CECR2: variants seen among roughly 807,000 people sequenced by gnomAD.
CECR2 encodes the protein chromatin remodeling regulator CECR2.
CECR2 carries 30 observed loss-of-function variants against 154.5 expected under a neutral mutation model. The ratio of observed to expected loss-of-function variants is 0.19; its 90% confidence interval spans 0.15 to 0.26. CECR2 has a LOEUF of 0.26. Ranked by LOEUF, CECR2 falls within the 10% of genes least tolerant of loss-of-function variation. The pLI is 1.00. For missense variants in CECR2, 1,743 were observed against 1,829.3 expected (o/e 0.95, Z 0.86); for synonymous variants, 725 against 683.7 (o/e 1.06, Z -0.94).
chr22:17,469,593 GT>G (rs1156329348), intron 1 of CECR2, among the ~76,000 whole-genome samples: 24,669 of 125,352 alleles, frequency 0.2, 2,128 homozygotes, highest in Middle Eastern at 0.25. Flanking sequence ...TGATAACATT[GT>G]TTTTTTTTTT....
chr22:17,545,374 C>CAAAAAAAAAAAAAAAAAAAAAA (rs695493), intron 16 of CECR2, among the ~76,000 whole-genome samples: 1 of 46,444 alleles, frequency 2.2e-5, no homozygotes, highest in African/African-American at 9.0e-5. Context: ...GACTCCGTCT[C>CAAAAAAAAAAAAAAAAAAAAAA]AAAAAAAAAA....
intron 1 of CECR2, among the ~76,000 whole-genome samples, chr22:17,375,876 A>G (rs1212351846): frequency 6.6e-6 from 1 of 151,628 alleles, no homozygotes; most frequent in Non-Finnish European, 1.5e-5. Context: ...AATTCATTGG[A>G]GCCGGGAGAC....
chr22:17,491,082 A>G (rs1232356285), intron 2 of CECR2, among the ~76,000 whole-genome samples: 1 of 152,172 alleles, frequency 6.6e-6, no homozygotes, highest in Admixed American at 6.5e-5. Flanking sequence ...GTAAAATAAT[A>G]CTTCATTGTG....
chr22:17,376,929 C>T (rs1467217030), intron 1 of CECR2, among the ~76,000 whole-genome samples: 1 of 152,172 alleles, frequency 6.6e-6, no homozygotes, highest in Non-Finnish European at 1.5e-5. Context: ...AGCCACCGCT[C>T]CCAGCCCCTA....
At chr22:17,543,386 G>A (rs111873318) in intron 16 of CECR2, among the ~76,000 whole-genome samples, 2 of 151,552 alleles carry the variant, frequency 1.3e-5, no homozygotes, top group Non-Finnish European at 2.9e-5. Flanking sequence ...TGCCCCCGTC[G>A]GCCTCCCAAA....
chr22:17,540,898 G>A (rs957638929), intron 14 of CECR2, 98 bp downstream of exon 14: 23 of 1,238,642 alleles, frequency 1.9e-5, no homozygotes, highest in South Asian at 7.8e-5. Flanking sequence ...AAATACTTAC[G>A]TGTATGTATG....
In CECR2 at chr22:17,549,385, T is replaced by C; in HGVS notation, c.4098T>C (p.Pro1366=). Residue 1366 remains proline (P), a synonymous_variant, in exon 17 of 19, where the codon CCT becomes CCC. Coordinates refer to ENST00000262608, the MANE Select transcript of CECR2 (RefSeq NM_001290047.2). The part of the protein sequence containing the change: ...SHFQPRAYSS[P]VAALPPHHPG... ...TTCAGCCCAGGGCTTACTCTTCCCC[T>C]GTGGCTGCCCTCCCACCTCACCACC... is the stretch of plus-strand genomic sequence containing the variant. 1.2e-6 allele frequency: 2 copies of C among 1,613,908 alleles called. No homozygotes were observed. Among genetic ancestry groups the C allele is most frequent in the Non-Finnish European group, 8.5e-7 (1 of 1,179,846 alleles).
In CECR2 at chr22:17,552,931, C is replaced by T. The variant is rs1366863191; in HGVS notation, c.*91C>T. The T allele has an allele frequency of 6.6e-7, 1 of 1,524,522 alleles. No homozygotes were observed. The highest frequency in any genetic ancestry group is 8.8e-7 in the Non-Finnish European group (1 of 1,138,714). The allele number at this position is 1,524,522 out of a possible 1,614,324, so 94.4% of individuals were successfully genotyped here. A position where few individuals can be genotyped will look rare whatever the true frequency, so the allele number is the denominator to read the frequency against. On this transcript the variant is annotated 3_prime_UTR_variant, in exon 19 of 19. Coordinates refer to ENST00000262608, the MANE Select transcript of CECR2 (RefSeq NM_001290047.2). ...GGGAGTGCCCTGTCAGCTCTATTCCCATCACCTGCTCCACCCCTTCACGGC... is the reference window on the plus strand; with the variant it reads ...GGGAGTGCCCTGTCAGCTCTATTCCTATCACCTGCTCCACCCCTTCACGGC...
intron 1 of CECR2, among the ~76,000 whole-genome samples, chr22:17,464,885 G>T (rs1009777556): frequency 1.3e-5 from 2 of 151,992 alleles, no homozygotes; most frequent in Non-Finnish European, 2.9e-5. Context: ...ATGTACTTCT[G>T]ATAGTATTTT....
At chr22:17,453,917 A>G (rs962502390) in intron 1 of CECR2, among the ~76,000 whole-genome samples, 3 of 152,234 alleles carry the variant, frequency 2.0e-5, no homozygotes, top group Admixed American at 6.5e-5. Context: ...CCGGGAAACA[A>G]GCATTTCAAA....
intron 1 of CECR2, among the ~76,000 whole-genome samples, chr22:17,374,994 C>G (rs1465695678): frequency 6.6e-6 from 1 of 152,130 alleles, no homozygotes; most frequent in Admixed American, 6.6e-5. Flanking sequence ...TGGCCAGATT[C>G]CACAGTGCAC....
At chr22:17,493,806 C>T (rs1374126394) in intron 2 of CECR2, among the ~76,000 whole-genome samples, 1 of 152,248 alleles carries the variant, frequency 6.6e-6, no homozygotes, top group African/African-American at 2.4e-5. Context: ...TATGCCTGTA[C>T]TTTCTCAACC....
rs192977409 is a variant in CECR2, at chr22:17,502,443, A to C, written c.651-639A>C. ...TCTCTCTCTTGACTGGAGCAGTGAT[A>C]AAAAACAAGAACAAACAAACAAAAA... On this transcript the variant is annotated intron_variant, in intron 5 of 18. Transcript: ENST00000262608. 5.3e-5 allele frequency among the ~76,000 whole-genome samples: 8 copies of C among 152,142 alleles called. No homozygotes were observed. The East Asian group carries it at 1.6e-3, about 30-fold the overall frequency.
chr22:17,479,290 T>G (rs565621265), intron 2 of CECR2, among the ~76,000 whole-genome samples: 1 of 152,114 alleles, frequency 6.6e-6, no homozygotes. Context: ...TGCGTGAGAG[T>G]GTCTGCTTGG....
chr22:17,470,366 A>T (rs976168367), intron 1 of CECR2, among the ~76,000 whole-genome samples: 5 of 142,986 alleles, frequency 3.5e-5, no homozygotes, highest in African/African-American at 1.3e-4. Flanking sequence ...TGAACTTAAG[A>T]GGTGGAGGTT....
intron 8 of CECR2, among the ~76,000 whole-genome samples, chr22:17,519,877 G>C (rs959904765): frequency 3.4e-5 from 5 of 149,110 alleles, no homozygotes; most frequent in African/African-American, 1.2e-4. Flanking sequence ...TGCAACCTCC[G>C]CCTCCCAGGT....
At chr22:17,485,004 G>A (rs1416370102) in intron 2 of CECR2, among the ~76,000 whole-genome samples, 1 of 152,142 alleles carries the variant, frequency 6.6e-6, no homozygotes, top group African/African-American at 2.4e-5. Context: ...AAATATAGAA[G>A]CCACATTTCC....
chr22:17,536,396 T>C (rs1275095554), intron 9 of CECR2, among the ~76,000 whole-genome samples: 1 of 152,220 alleles, frequency 6.6e-6, no homozygotes, highest in African/African-American at 2.4e-5. Context: ...AAGTGGTAAG[T>C]GCCCCATCAG....
chr22:17,421,143 T>G (rs2054240345), intron 1 of CECR2, among the ~76,000 whole-genome samples: 1 of 152,206 alleles, frequency 6.6e-6, no homozygotes, highest in African/African-American at 2.4e-5. Context: ...TGCTGTTTCT[T>G]TATGTGGATC....
Sources: gnomAD v4.1 joint callset for allele counts (sites outside exome capture counted in the v4.1 genomes callset) on GRCh38, gnomAD v4.1.1 for gene constraint, MANE v1.5 for transcripts, NCBI Gene and HGNC (gene_info 2026-07-23, HGNC 2026-07-21) for gene names.